UGGT1: variants seen among roughly 807,000 people sequenced by gnomAD.
UGGT1 encodes UDP-glucose:glycoprotein glucosyltransferase 1.
UGGT1 carries 107 observed loss-of-function variants against 203.9 expected under a neutral mutation model. That is an observed-to-expected ratio of 0.52 (90% CI 0.45 to 0.62). UGGT1 has a LOEUF of 0.62. Among genes scored for constraint, UGGT1 ranks in the 20% least tolerant of loss-of-function variants. The pLI is 0.00. For synonymous variants in UGGT1, 628 were observed against 653.5 expected (o/e 0.96, Z 0.59); for missense variants, 1,673 against 1,867.2 (o/e 0.90, Z 1.92).
intron 3 of UGGT1, among the ~76,000 whole-genome samples, chr2:128,106,631 A>G (rs529351780): frequency 6.6e-6 from 1 of 152,176 alleles, no homozygotes; most frequent in Admixed American, 6.5e-5. Context: ...CAGTGGCGTA[A>G]TCTCGCTGCA....
In UGGT1 at chr2:128,170,515, C is replaced by G. The variant is rs186508901; in HGVS notation, c.3024+125C>G. ...AGGCACTGGACAATGCTATGGGGTT[C>G]TAGGGCAGAGCAATCTTTACAAAGA... is the stretch of plus-strand genomic sequence containing the variant. On this transcript the variant is annotated intron_variant, in intron 27 of 40. Coordinates refer to ENST00000259253, the MANE Select transcript of UGGT1 (RefSeq NM_020120.4). 2.6e-5 allele frequency: 19 copies of G among 721,118 alleles called. No individual in the cohort carries two copies. In the Admixed American group the frequency reaches 5.1e-4, roughly 19 times the overall value. The allele number at this position is 721,118 out of a possible 1,614,324, so 44.7% of individuals were successfully genotyped here. A position where few individuals can be genotyped will look rare whatever the true frequency, so the allele number is the denominator to read the frequency against.
At chr2:128,147,036 A>G (rs1689726909) in intron 18 of UGGT1, among the ~76,000 whole-genome samples, 1 of 152,252 alleles carries the variant, frequency 6.6e-6, no homozygotes, top group African/African-American at 2.4e-5. Flanking sequence ...GGGGCTCACC[A>G]TGAATGACAA....
At chr2:128,166,834 G>A (rs1690819327) in intron 26 of UGGT1, among the ~76,000 whole-genome samples, 1 of 152,210 alleles carries the variant, frequency 6.6e-6, no homozygotes, top group African/African-American at 2.4e-5. Flanking sequence ...AAATATAGAT[G>A]CCTGTGTCCT....
intron 13 of UGGT1, among the ~76,000 whole-genome samples, chr2:128,129,591 G>T (rs547699257): frequency 3.6e-4 from 54 of 151,968 alleles, no homozygotes; most frequent in Non-Finnish European, 5.9e-4. Flanking sequence ...TATAGACGGG[G>T]TTTCACAATA....
chr2:128,137,280 G>A (rs540083252), intron 15 of UGGT1, among the ~76,000 whole-genome samples: 1 of 152,158 alleles, frequency 6.6e-6, no homozygotes, highest in African/African-American at 2.4e-5. Context: ...GTAGCCAGGC[G>A]TGGTGGCACA....
In UGGT1 at chr2:128,116,318, C is replaced by G. The variant is rs1326301526; in HGVS notation, c.847C>G (p.Gln283Glu). 6.2e-7 allele frequency: 1 copy of G among 1,611,814 alleles called. No homozygotes were observed. Among genetic ancestry groups the G allele is most frequent in the Non-Finnish European group, 8.5e-7 (1 of 1,178,106 alleles). Residue 283 changes from glutamine (Q) to glutamate (E), a missense_variant, in exon 8 of 41, where the codon CAG (glutamine) becomes GAG (glutamate). By Grantham distance (29) the Gln-to-Glu change is conservative. Around this residue, in one of 4 missense-constraint regions of UGGT1, gnomAD observed 1,073 missense variants for 1,078.7 expected, o/e 0.99. Transcript: ENST00000259253. The part of the protein sequence containing the change: ...IGENDPIDEV[Q>E]GFLFGKLRDL... ...TGAAAATGATCCTATTGATGAGGTTCAGGGGTTCCTCTTTGGAAAATTAAG... is the reference window on the plus strand; with the variant it reads ...TGAAAATGATCCTATTGATGAGGTTGAGGGGTTCCTCTTTGGAAAATTAAG...
intron 10 of UGGT1, among the ~76,000 whole-genome samples, chr2:128,121,556 T>C (rs1688383754): frequency 6.6e-6 from 1 of 151,996 alleles, no homozygotes; most frequent in Non-Finnish European, 1.5e-5. Flanking sequence ...CAGACGTGCG[T>C]CACCATGCCC....
chr2:128,163,095 G>C (rs1171997523), intron 25 of UGGT1, among the ~76,000 whole-genome samples: 2 of 152,114 alleles, frequency 1.3e-5, no homozygotes, highest in Non-Finnish European at 2.9e-5. Context: ...TTCTTCATCA[G>C]CCTTCAGGGA....
At chr2:128,130,699 C>G (rs1208069110) in intron 13 of UGGT1, among the ~76,000 whole-genome samples, 1 of 152,212 alleles carries the variant, frequency 6.6e-6, no homozygotes, top group African/African-American at 2.4e-5. Context: ...AACCACCCCT[C>G]TCCTTCCTGA....
chr2:128,096,789 T>C (rs1295081295), intron 1 of UGGT1, among the ~76,000 whole-genome samples: 32 of 152,242 alleles, frequency 2.1e-4, no homozygotes, highest in Admixed American at 2.1e-3. Flanking sequence ...CTTTATTTGC[T>C]TTCATCCTTT....
intron 28 of UGGT1, 48 bp downstream of exon 28, chr2:128,171,332 C>G: frequency 6.5e-7 from 1 of 1,530,544 alleles, no homozygotes; most frequent in Non-Finnish European, 9.0e-7. Flanking sequence ...GTACTGAATC[C>G]AAGTTCTGAT....
At chr2:128,182,414 C>G in intron 37 of UGGT1, 124 bp downstream of exon 37, 1 of 1,273,824 alleles carries the variant, frequency 7.9e-7, no homozygotes, top group Non-Finnish European at 1.1e-6. Flanking sequence ...AAAAAATACA[C>G]AGTGGCTGGG....
Position 128,178,425 on chromosome 2 carries a change from A to G in UGGT1, c.3714-43A>G, listed in dbSNP as rs186650250. The G allele has an allele frequency of 6.6e-5, 99 of 1,506,362 alleles. No homozygotes were observed. In the East Asian group the frequency reaches 2.1e-3, roughly 32 times the overall value. 93.3% of individuals were successfully genotyped at this position (1,506,362 alleles called of 1,614,324 possible). A position where few individuals can be genotyped will look rare whatever the true frequency, so the allele number is the denominator to read the frequency against. On this transcript the variant is annotated intron_variant, in intron 33 of 40. Coordinates refer to ENST00000259253, the MANE Select transcript of UGGT1 (RefSeq NM_020120.4). ...TTACTTTCAAAGGCCGTGTGTCTGT[A>G]TGAGTGTTTCAAGTGGTCTTTTTTT...
At chr2:128,131,822 T>A (rs1420557034) in intron 13 of UGGT1, among the ~76,000 whole-genome samples, 1 of 152,118 alleles carries the variant, frequency 6.6e-6, no homozygotes, top group East Asian at 1.9e-4. Flanking sequence ...GAGATGGGGC[T>A]TTCACCATGT....
intron 15 of UGGT1, among the ~76,000 whole-genome samples, chr2:128,136,950 C>T (rs1573553206): frequency 6.6e-6 from 1 of 152,094 alleles, no homozygotes; most frequent in East Asian, 1.9e-4. Flanking sequence ...TTTGCCGTTC[C>T]CTAATGACAT....
chr2:128,128,803 T>A (rs892339719), intron 12 of UGGT1, among the ~76,000 whole-genome samples: 3 of 152,240 alleles, frequency 2.0e-5, no homozygotes, highest in African/African-American at 7.2e-5. Context: ...TATGCAGTTA[T>A]AAGAAAGAAT....
At chr2:128,118,776 G>A (rs1688244828) in intron 8 of UGGT1, among the ~76,000 whole-genome samples, 1 of 151,986 alleles carries the variant, frequency 6.6e-6, no homozygotes, top group Admixed American at 6.6e-5. Context: ...GAGTGCAGTG[G>A]CGCCATCATG....
chr2:128,188,180 C>T (rs1022526480), intron 40 of UGGT1, among the ~76,000 whole-genome samples: 26 of 151,664 alleles, frequency 1.7e-4, no homozygotes, highest in Admixed American at 1.4e-3. Flanking sequence ...ACCACCACAC[C>T]CAGCTATTTT....
At chr2:128,182,008 C>CT (rs1691712942) in intron 36 of UGGT1, 122 bp from the exon 37 acceptor site, 1 of 886,930 alleles carries the variant, frequency 1.1e-6, no homozygotes, top group African/African-American at 1.7e-5. Flanking sequence ...CCCCTAGTGC[C>CT]TGTGCCACTA....
Sources: gnomAD v4.1 joint callset for allele counts (sites outside exome capture counted in the v4.1 genomes callset) on GRCh38, gnomAD v4.1.1 for gene constraint, gnomAD v4.1.1 regional missense constraint, MANE v1.5 for transcripts, NCBI Gene and HGNC (gene_info 2026-07-23, HGNC 2026-07-21) for gene names.